Variants in ACTN2 observed in about 807,000 individuals in gnomAD.
ACTN2 encodes actinin alpha 2.
In ACTN2, 39 loss-of-function variants were observed where a neutral mutation model predicts 113.8. The observed-to-expected ratio is 0.34, with a 90% CI of 0.27 to 0.45. The LOEUF (loss-of-function observed/expected upper bound fraction) is 0.45, where lower values mean the gene tolerates loss of function less well. Ranked by LOEUF, ACTN2 falls within the 20% of genes least tolerant of loss-of-function variation. The pLI is 1.00. For synonymous variants in ACTN2, 429 were observed against 444.1 expected (o/e 0.97, Z 0.43); for missense variants, 992 against 1,177.9 (o/e 0.84, Z 2.31).
At position 236,754,913 on chromosome 1, in the gene ACTN2, C is replaced by A; in HGVS notation, c.1975-106C>A. The A allele has an allele frequency of 7.4e-7, 1 of 1,357,046 alleles. No homozygotes were observed. Among genetic ancestry groups the A allele is most frequent in the Non-Finnish European group, 1.1e-6 (1 of 948,332 alleles). 84.1% of individuals were successfully genotyped at this position (1,357,046 alleles called of 1,614,324 possible). A position where few individuals can be genotyped will look rare whatever the true frequency, so the allele number is the denominator to read the frequency against. ...GAGTGACACTGGCCGCTGCCTGACG[C>A]TGGCCTAGCATCCCATGCAGGGTCT... On this transcript the variant is annotated intron_variant, in intron 16 of 20. Coordinates refer to ENST00000366578, the MANE Select transcript of ACTN2 (RefSeq NM_001103.4). This position sits in a 1 kb window ranked among gnomAD's most constrained non-coding sequence, Gnocchi z 4.9.
At chr1:236,709,226 ATATAT>A (rs1657926438) in intron 1 of ACTN2, among the ~76,000 whole-genome samples, 1 of 42,412 alleles carries the variant, frequency 2.4e-5, no homozygotes, top group Admixed American at 3.0e-4. Flanking sequence ...GACTGTATAT[ATATAT>A]ATATATATAT....
intron 5 of ACTN2, among the ~76,000 whole-genome samples, chr1:236,726,397 C>T (rs903765657): frequency 3.3e-5 from 5 of 152,160 alleles, no homozygotes; most frequent in Admixed American, 6.5e-5. Flanking sequence ...CCCCCACTAG[C>T]GACTCTTCAG....
chr1:236,740,539 A>ATTTTTG (rs148967847), intron 10 of ACTN2, among the ~76,000 whole-genome samples: 2 of 150,800 alleles, frequency 1.3e-5, no homozygotes, highest in Admixed American at 1.3e-4. Flanking sequence ...TTTTATTTTT[A>ATTTTTG]TTTTTATTTT....
chr1:236,739,556 C>T (rs1327093922), intron 10 of ACTN2, 24 bp downstream of exon 10: 2 of 1,611,770 alleles, frequency 1.2e-6, no homozygotes, highest in Non-Finnish European at 1.7e-6. Context: ...GCCAAGCCCT[C>T]CTGGCGCCAC....
At chr1:236,706,619 G>C (rs961782135) in intron 1 of ACTN2, among the ~76,000 whole-genome samples, 2 of 151,942 alleles carry the variant, frequency 1.3e-5, no homozygotes, top group Admixed American at 6.6e-5. Context: ...CTTGTCTTTG[G>C]GTATGTATCA....
intron 1 of ACTN2, among the ~76,000 whole-genome samples, chr1:236,707,682 T>C (rs1657869719): frequency 7.7e-6 from 1 of 129,332 alleles, no homozygotes; most frequent in Non-Finnish European, 1.7e-5. Context: ...TTTTCTTTTC[T>C]TTCTTTTCTT....
rs918483502 is a variant in ACTN2, at chr1:236,687,227, G to A, written c.126+428G>A. On this transcript the variant is annotated intron_variant, in intron 1 of 20. Transcript: ENST00000366578. ...CATCAGCTTCATTGCAATTTCCACC[G>A]GGCTGCCCCTAGAGTCATGGAAAGT... Among the ~76,000 whole-genome samples the A allele has an allele frequency of 3.3e-5, 5 of 152,110 alleles. No individual in the cohort carries two copies. In the South Asian group the frequency reaches 1.0e-3, roughly 32 times the overall value.
chr1:236,737,615 A>C (rs1393224425), intron 9 of ACTN2, among the ~76,000 whole-genome samples: 3 of 149,354 alleles, frequency 2.0e-5, no homozygotes, highest in African/African-American at 7.4e-5. Flanking sequence ...CAAAAGCCTC[A>C]CTCCACATAG....
Position 236,761,023 on chromosome 1 carries a change from C to G in ACTN2, c.2376C>G (p.Ala792=). The G allele has an allele frequency of 6.2e-7, 1 of 1,614,174 alleles. No individual in the cohort carries two copies. The highest frequency in any genetic ancestry group is 8.5e-7 in the Non-Finnish European group (1 of 1,180,044). The stretch of plus-strand genomic sequence containing the variant: ...TTGCCACTTTGCCCCAGGGTGAAGC[C>G]GAATTTGCCCGCATTATGACCCTGG... The part of the protein sequence containing the change: ...LISMGYDLGE[A]EFARIMTLVD... The change falls in exon 20 of 21, where the codon GCC becomes GCG. Residue 792 remains alanine, a synonymous_variant. Transcript: ENST00000366578.
chr1:236,703,022 G>A (rs923505422), intron 1 of ACTN2, among the ~76,000 whole-genome samples: 5 of 152,132 alleles, frequency 3.3e-5, no homozygotes, highest in African/African-American at 1.2e-4. Flanking sequence ...TGGGTTGAGA[G>A]GAGAATCATC....
At chr1:236,729,012 C>T (rs1160214962) in intron 6 of ACTN2, among the ~76,000 whole-genome samples, 1 of 152,120 alleles carries the variant, frequency 6.6e-6, no homozygotes, top group African/African-American at 2.4e-5. Flanking sequence ...CAGTACAGAG[C>T]GTCCACAAGA....
At chr1:236,737,254 C>G (rs148335592) in intron 9 of ACTN2, 40 bp downstream of exon 9, 9 of 1,362,208 alleles carry the variant, frequency 6.6e-6, no homozygotes, top group Non-Finnish European at 9.1e-6. Flanking sequence ...TCCATCCTCA[C>G]GCAGGGGCTG....
At chr1:236,721,022 G>GTTTTTTTTTTTTTTTT (rs869077774) in intron 4 of ACTN2, among the ~76,000 whole-genome samples, 22 of 66,490 alleles carry the variant, frequency 3.3e-4, no homozygotes, top group Admixed American at 9.8e-4. Context: ...TTTGTTTTTT[G>GTTTTTTTTTTTTTTTT]TTTTTTTTTT....
At chr1:236,709,269 CACATATATATGT>C (rs1285015462) in intron 1 of ACTN2, among the ~76,000 whole-genome samples, 2 of 127,908 alleles carry the variant, frequency 1.6e-5, no homozygotes, top group African/African-American at 6.4e-5. Flanking sequence ...CACACACACA[CACATATATATGT>C]ATATATATGT....
intron 1 of ACTN2, among the ~76,000 whole-genome samples, chr1:236,697,934 A>ATT (rs35264789): frequency 0.041 from 5,172 of 127,216 alleles, 342 homozygotes; most frequent in African/African-American, 0.13. Flanking sequence ...TAATTTTCGT[A>ATT]TTTTTTTTTT....
Position 236,718,943 on chromosome 1 carries a change from T to G in ACTN2, c.291T>G (p.Ile97Met). ...GGGGAAAAATGCGGTTCCACAAAAT[T>G]GCTAATGTCAACAAAGCTTTGGATT... Reference protein sequence around the residue: ...PDRGKMRFHKIANVNKALDYI... With the variant: ...PDRGKMRFHKMANVNKALDYI... The change falls in exon 3 of 21, where the codon ATT becomes ATG. Residue 97 changes from isoleucine to methionine, a missense_variant. Ile to Met is a conservative substitution (Grantham distance 10). Coordinates refer to ENST00000366578, the MANE Select transcript of ACTN2 (RefSeq NM_001103.4). 1 of 1,614,182 alleles carries G rather than the reference T, an allele frequency of 6.2e-7. No homozygotes were observed. The highest frequency in any genetic ancestry group is 8.5e-7 in the Non-Finnish European group (1 of 1,180,036).
rs147616930 is a variant in ACTN2 at position 236,759,746 on chromosome 1, A to T, written c.2324A>T (p.His775Leu). 1.2e-6 allele frequency: 2 copies of T among 1,614,022 alleles called. No individual in the cohort carries two copies. The highest frequency in any genetic ancestry group is 2.7e-5 in the African/African-American group (2 of 74,942). The change falls in exon 19 of 21, where the codon CAT (histidine) becomes CTT (leucine). Residue 775 changes from histidine to leucine, a missense_variant. Coordinates refer to ENST00000366578, the MANE Select transcript of ACTN2 (RefSeq NM_001103.4). Reference sequence around the variant, plus strand: ...CAGAGGAAGAATGGCCTGATGGATCATGAGGATTTCAGAGCCTGCCTGATT... The same window carrying T: ...CAGAGGAAGAATGGCCTGATGGATCTTGAGGATTTCAGAGCCTGCCTGATT... ...FDRRKNGLMD[H>L]EDFRACLISM... is the part of the protein sequence containing the mutation.
At chr1:236,709,340 ACG>A (rs1657949782) in intron 1 of ACTN2, among the ~76,000 whole-genome samples, 1 of 131,972 alleles carries the variant, frequency 7.6e-6, no homozygotes, top group South Asian at 2.3e-4. Flanking sequence ...GTATATATAT[ACG>A]TGTATATATA....
intron 2 of ACTN2, 46 bp downstream of exon 2, chr1:236,718,018 G>C: frequency 7.0e-7 from 1 of 1,431,010 alleles, no homozygotes. Flanking sequence ...GTTATCAGTA[G>C]GTGAGCATCT....
Sources: allele counts gnomAD v4.1 joint callset (sites outside exome capture counted in the v4.1 genomes callset), GRCh38; gene constraint gnomAD v4.1.1; non-coding constraint Gnocchi (gnomAD v3.1); transcripts MANE v1.5; gene names NCBI Gene and HGNC (gene_info 2026-07-23, HGNC 2026-07-21).